The following MNAT1 variants were observed in gnomAD, a reference collection of about 807,000 sequenced individuals.
The protein encoded by MNAT1 is CDK-activating kinase assembly factor MAT1.
A neutral mutation model predicts 42.0 loss-of-function variants in MNAT1; 43 were observed. That is an observed-to-expected ratio of 1.02 (90% CI 0.80 to 1.32). MNAT1 has a LOEUF of 1.32. Ranked by LOEUF, MNAT1 falls within the 40% of genes most tolerant of loss-of-function variation. MNAT1 has a pLI of 0.00. For synonymous variants in MNAT1, 118 were observed against 120.0 expected, an observed-to-expected ratio of 0.98 and a Z score of 0.11; for missense variants, 306 against 350.4, an observed-to-expected ratio of 0.87 and a Z score of 1.01.
At chr14:60,943,027 TGTGTGTGTGTGTGTGTGTGTGTGC>T (rs1485299328) in intron 7 of MNAT1, among the ~76,000 whole-genome samples, 12 of 135,952 alleles carry the variant, frequency 8.8e-5, no homozygotes, top group African/African-American at 3.4e-4. Flanking sequence ...TGTGTGTGTG[TGTGTGTGTGTGTGTGTGTGTGTGC>T]GCTTTTTTTT....
intron 6 of MNAT1, among the ~76,000 whole-genome samples, chr14:60,829,814 A>G (rs2033163591): frequency 6.6e-6 from 1 of 152,218 alleles, no homozygotes; most frequent in Non-Finnish European, 1.5e-5. Flanking sequence ...ACATTTTCCT[A>G]CAAAGTATTC....
At chr14:60,892,577 G>A (rs1437551802) in intron 7 of MNAT1, among the ~76,000 whole-genome samples, 1 of 151,946 alleles carries the variant, frequency 6.6e-6, no homozygotes, top group East Asian at 1.9e-4. Flanking sequence ...TGATTGGAGG[G>A]TTTAATTAAG....
At chr14:60,959,404 C>T (rs982743282) in intron 7 of MNAT1, among the ~76,000 whole-genome samples, 1 of 152,148 alleles carries the variant, frequency 6.6e-6, no homozygotes, top group Non-Finnish European at 1.5e-5. Context: ...TTTGTTTCCA[C>T]CCATGCCAGT....
intron 7 of MNAT1, among the ~76,000 whole-genome samples, chr14:60,890,103 A>G (rs143186622): frequency 0.015 from 2,305 of 152,314 alleles, 27 homozygotes; most frequent in Non-Finnish European, 0.025. Flanking sequence ...ATTACTGGGT[A>G]TATACCCAAA....
At chr14:60,876,900 GTACAAA>G (rs1566528730) in intron 6 of MNAT1, among the ~76,000 whole-genome samples, 1 of 151,998 alleles carries the variant, frequency 6.6e-6, no homozygotes, top group African/African-American at 2.4e-5. Flanking sequence ...ATGCATTGGT[GTACAAA>G]TATTTCTTTG....
At chr14:60,886,686 T>G (rs1255224744) in intron 7 of MNAT1, among the ~76,000 whole-genome samples, 2 of 152,096 alleles carry the variant, frequency 1.3e-5, no homozygotes, top group Non-Finnish European at 2.9e-5. Context: ...TCACTATTAG[T>G]ATAAAGAAAT....
At chr14:60,915,613 A>T (rs2035495458) in intron 7 of MNAT1, among the ~76,000 whole-genome samples, 1 of 152,066 alleles carries the variant, frequency 6.6e-6, no homozygotes, top group Admixed American at 6.6e-5. Context: ...CAGCCTCCTT[A>T]CCCAATGTAG....
chr14:60,844,737 A>T (rs1386350550), intron 6 of MNAT1, among the ~76,000 whole-genome samples: 1 of 152,052 alleles, frequency 6.6e-6, no homozygotes, highest in Non-Finnish European at 1.5e-5. Flanking sequence ...GTCTTTTGAC[A>T]TTATATGTCA....
chr14:60,880,614 G>A lies in MNAT1; in HGVS notation c.809+779G>A, dbSNP rs147048873. On this transcript the variant is annotated intron_variant, in intron 7 of 7. Transcript: ENST00000261245. ...AACTAAAAAGCAATAGAAAAAGTCAGAGACCCCAAGAACAAAAACAAGAAA... is the reference window on the plus strand; with the variant it reads ...AACTAAAAAGCAATAGAAAAAGTCAAAGACCCCAAGAACAAAAACAAGAAA... Among the ~76,000 whole-genome samples, 510 of 152,130 alleles carry A rather than the reference G, an allele frequency of 3.4e-3. 3 individuals carry two copies. Among genetic ancestry groups the A allele is most frequent in the African/African-American group, 0.012 (495 of 41,508 alleles).
Position 60,796,294 on chromosome 14 carries a change from G to T in MNAT1, c.167G>T (p.Ser56Ile). The T allele has an allele frequency of 6.2e-7, 1 of 1,613,778 alleles. No homozygotes were observed. The highest frequency in any genetic ancestry group is 1.3e-5 in the African/African-American group (1 of 75,000). The change falls in exon 2 of 8, where the codon AGC becomes ATC. Residue 56 changes from serine to isoleucine, a missense_variant. Around this residue, in one of 3 missense-constraint regions of MNAT1, gnomAD observed 72 missense variants for 111.0 expected, o/e 0.65. Coordinates refer to ENST00000261245, the MANE Select transcript of MNAT1 (RefSeq NM_002431.4). ...CPECGTPLRK[S>I]NFRVQLFEDP... ...GAGTGTGGTACTCCACTCAGAAAGA[G>T]CAACTTCAGGGTACAACTCTTTGAA...
intron 3 of MNAT1, among the ~76,000 whole-genome samples, chr14:60,806,383 G>A (rs2032370128): frequency 6.6e-6 from 1 of 152,164 alleles, no homozygotes; most frequent in South Asian, 2.1e-4. Flanking sequence ...CTATGGGTAG[G>A]GAACAGTTTA....
Position 60,741,610 on chromosome 14 carries a change from C to T in MNAT1, c.89+6659C>T, listed in dbSNP as rs146641766. Among the ~76,000 whole-genome samples, 658 of 150,456 alleles carry T rather than the reference C, an allele frequency of 4.4e-3. 8 individuals carry two copies. Among genetic ancestry groups the T allele is most frequent in the Middle Eastern group, 0.022 (6 of 274 alleles). ...TCCTGACCTCGTGATCCTCCTGCCTCGGCCTCCCAAAGTGCTGGGATTACA... is the reference window on the plus strand; with the variant it reads ...TCCTGACCTCGTGATCCTCCTGCCTTGGCCTCCCAAAGTGCTGGGATTACA... On this transcript the variant is annotated intron_variant, in intron 1 of 7. Coordinates refer to ENST00000261245, the MANE Select transcript of MNAT1 (RefSeq NM_002431.4).
intron 6 of MNAT1, among the ~76,000 whole-genome samples, chr14:60,846,862 A>G (rs2033695528): frequency 1.3e-5 from 2 of 152,244 alleles, no homozygotes; most frequent in South Asian, 4.1e-4. Flanking sequence ...ATGTTGCTTG[A>G]TGGTTATGTT....
chr14:60,845,779 A>C (rs1227799916), intron 6 of MNAT1, among the ~76,000 whole-genome samples: 2 of 152,142 alleles, frequency 1.3e-5, no homozygotes, highest in Non-Finnish European at 2.9e-5. Context: ...ATAATACAAA[A>C]TGTAGTCTTT....
At chr14:60,828,519 G>C (rs977668944) in intron 6 of MNAT1, among the ~76,000 whole-genome samples, 6 of 150,390 alleles carry the variant, frequency 4.0e-5, no homozygotes, top group African/African-American at 1.5e-4. Context: ...AACACTTTTG[G>C]TCACCAAAAT....
In MNAT1 at chr14:60,936,126, T is replaced by C. The variant is rs979489232; in HGVS notation, c.810-32103T>C. On this transcript the variant is annotated intron_variant, in intron 7 of 7. Transcript: ENST00000261245. ...TCCCCCAGTGCGCATGTGGGCATGC[T>C]CAGACAAGGTCATGGGCAGGTTCCC... Among the ~76,000 whole-genome samples the C allele has an allele frequency of 2.0e-5, 3 of 152,268 alleles. 1 individual carries two copies. Among genetic ancestry groups the C allele is most frequent in the South Asian group, 4.1e-4 (2 of 4,826 alleles).
intron 7 of MNAT1, among the ~76,000 whole-genome samples, chr14:60,934,290 A>T (rs534120147): frequency 4.5e-4 from 69 of 152,338 alleles, no homozygotes; most frequent in African/African-American, 1.5e-3. Flanking sequence ...ACATGTAAGC[A>T]TGAGCCTCCT....
chr14:60,865,646 A>G (rs2034186912), intron 6 of MNAT1, among the ~76,000 whole-genome samples: 1 of 152,136 alleles, frequency 6.6e-6, no homozygotes, highest in South Asian at 2.1e-4. Context: ...TAATGTAAAA[A>G]TAATACTTTT....
At chr14:60,869,781 ATTATTT>A (rs1181935389) in intron 6 of MNAT1, among the ~76,000 whole-genome samples, 1 of 152,054 alleles carries the variant, frequency 6.6e-6, no homozygotes, top group Non-Finnish European at 1.5e-5. Context: ...ATACTAATTG[ATTATTT>A]TTATTGCCAT....
Sources: allele counts gnomAD v4.1 joint callset (sites outside exome capture counted in the v4.1 genomes callset), GRCh38; gene constraint gnomAD v4.1.1; regional missense constraint gnomAD v4.1.1; transcripts MANE v1.5; gene names NCBI Gene and HGNC (gene_info 2026-07-23, HGNC 2026-07-21).